The following SLC4A5 variants were observed in gnomAD, a reference collection of about 807,000 sequenced individuals.
SLC4A5 encodes the protein electrogenic sodium bicarbonate cotransporter 4.
In SLC4A5, 96 loss-of-function variants were observed where a neutral mutation model predicts 120.4. The observed-to-expected ratio is 0.80, with a 90% CI of 0.68 to 0.94. The LOEUF (loss-of-function observed/expected upper bound fraction) is 0.94, where lower values mean the gene tolerates loss of function less well. Among genes scored for constraint, SLC4A5 ranks in the 40% least tolerant of loss-of-function variants. SLC4A5 has a pLI of 0.00. For missense variants in SLC4A5, 1,259 were observed against 1,459.5 expected, an observed-to-expected ratio of 0.86 and a Z score of 2.24; for synonymous variants, 550 against 571.1, an observed-to-expected ratio of 0.96 and a Z score of 0.53.
chr2:74,235,303 AACT>A, intron 21 of SLC4A5, 89 bp from the exon 22 acceptor site: 2 of 909,022 alleles, frequency 2.2e-6, no homozygotes, highest in Non-Finnish European at 3.5e-6. Flanking sequence ...CAAAGAGGTG[AACT>A]ATTACAGTCT....
At chr2:74,254,685 T>C (rs752389955) in exon 14 of SLC4A5, 2 of 1,613,534 alleles carry the variant, frequency 1.2e-6, no homozygotes, top group African/African-American at 2.7e-5. Flanking sequence ...TCCCAGAAGG[T>C]CCCAGTAGTA....
intron 5 of SLC4A5, among the ~76,000 whole-genome samples, chr2:74,320,299 C>A (rs1417603057): frequency 6.6e-6 from 1 of 152,104 alleles, no homozygotes; most frequent in Non-Finnish European, 1.5e-5. Flanking sequence ...ATTGAAAGAA[C>A]TTTCGATCAG....
intron 8 of SLC4A5, among the ~76,000 whole-genome samples, chr2:74,284,676 T>C (rs897485198): frequency 4.6e-5 from 7 of 152,238 alleles, no homozygotes; most frequent in South Asian, 2.1e-4. Flanking sequence ...CTTGGGAGCA[T>C]TGGGCACTGC....
chr2:74,226,299 GAC>G (rs768620941), intron 27 of SLC4A5, among the ~76,000 whole-genome samples: 2 of 152,048 alleles, frequency 1.3e-5, no homozygotes, highest in East Asian at 1.9e-4. Flanking sequence ...GGCATTTGCT[GAC>G]ACACTCCAGG....
chr2:74,280,209 G>C (rs573115710), intron 8 of SLC4A5, among the ~76,000 whole-genome samples: 33 of 152,154 alleles, frequency 2.2e-4, no homozygotes, highest in African/African-American at 7.7e-4. Flanking sequence ...GTGTCTGTTT[G>C]CCCTATTCCA....
At chr2:74,307,896 C>A (rs1303919534) in intron 6 of SLC4A5, 2 of 487,266 alleles carry the variant, frequency 4.1e-6, no homozygotes, top group African/African-American at 4.0e-5. Flanking sequence ...GCCCCCGGCA[C>A]CTGCATAGAC....
chr2:74,271,605 T>G (rs1255393233), intron 8 of SLC4A5, among the ~76,000 whole-genome samples: 1 of 152,074 alleles, frequency 6.6e-6, no homozygotes. Context: ...CAAATATACA[T>G]TAAGCTTTTT....
At chr2:74,319,412 T>C (rs1440758350) in intron 5 of SLC4A5, 2 of 152,218 alleles carry the variant, frequency 1.3e-5, no homozygotes, top group African/African-American at 4.8e-5. Context: ...CTCGCTTTAG[T>C]AGCACATATA....
chr2:74,296,836 G>C lies in SLC4A5; in HGVS notation c.271+7653C>G, dbSNP rs1479729787. Among the ~76,000 whole-genome samples, 3 of 149,562 alleles carry C rather than the reference G, an allele frequency of 2.0e-5. No homozygotes were observed. The East Asian group carries it at 6.0e-4, about 30-fold the overall frequency. ...GCCAGTTGTCTTTGCTCCCATGTTT[G>C]AAACGTGGCCTGCCTCAGGGACTCC... On this transcript the variant is annotated intron_variant, in intron 7 of 30. Coordinates refer to ENST00000394019, the Ensembl canonical transcript of SLC4A5.
At chr2:74,289,202 G>C (rs1044422172) in intron 7 of SLC4A5, among the ~76,000 whole-genome samples, 17 of 152,102 alleles carry the variant, frequency 1.1e-4, no homozygotes, top group Non-Finnish European at 2.9e-5. Context: ...TCTTTGAATA[G>C]CACCATAAAA....
At chr2:74,272,642 G>A (rs774647288) in intron 8 of SLC4A5, among the ~76,000 whole-genome samples, 3 of 152,212 alleles carry the variant, frequency 2.0e-5, no homozygotes, top group African/African-American at 4.8e-5. Context: ...CAGGTGCCCC[G>A]CTCCTGACTG....
intron 17 of SLC4A5, among the ~76,000 whole-genome samples, chr2:74,249,804 T>C (rs1283650930): frequency 1.3e-5 from 2 of 152,180 alleles, no homozygotes; most frequent in African/African-American, 2.4e-5. Flanking sequence ...GGTCTTCTCC[T>C]TGGGGTACTG....
At chr2:74,281,858 G>A (rs185471662) in intron 8 of SLC4A5, among the ~76,000 whole-genome samples, 8 of 152,266 alleles carry the variant, frequency 5.3e-5, no homozygotes, top group Admixed American at 3.9e-4. Context: ...TCCCCTCCCC[G>A]ATTCTCTTTG....
chr2:74,220,007 A>G (rs1189098145), intron 30 of SLC4A5, among the ~76,000 whole-genome samples: 1 of 152,140 alleles, frequency 6.6e-6, no homozygotes, highest in Non-Finnish European at 1.5e-5. Context: ...GTTTCCCCAA[A>G]AATCTCTTGG....
At chr2:74,267,683 G>C (rs1053973941) in intron 8 of SLC4A5, among the ~76,000 whole-genome samples, 2 of 152,218 alleles carry the variant, frequency 1.3e-5, no homozygotes, top group African/African-American at 4.8e-5. Flanking sequence ...TTATTGGGGC[G>C]AATTAGTGTA....
At chr2:74,273,216 A>G (rs1430889842) in intron 8 of SLC4A5, among the ~76,000 whole-genome samples, 1 of 152,236 alleles carries the variant, frequency 6.6e-6, no homozygotes, top group African/African-American at 2.4e-5. Context: ...GAATATACAT[A>G]AACATTGTGA....
rs573489234 is a variant in SLC4A5, at chr2:74,255,583, G to A, written c.1025+192C>T. The stretch of plus-strand genomic sequence containing the variant: ...GCTGGGATTACAGGCGTGAGCCACC[G>A]CACCTGGCCTCTTTTGTTATTATTT... On this transcript the variant is annotated intron_variant, in intron 13 of 30. Coordinates refer to ENST00000394019, the Ensembl canonical transcript of SLC4A5. The surrounding 1 kb of genome is among the most constrained non-coding windows in gnomAD (Gnocchi z 4.0). Among the ~76,000 whole-genome samples, 7 of 152,164 alleles carry A rather than the reference G, an allele frequency of 4.6e-5. No homozygotes were observed. The highest frequency in any genetic ancestry group is 3.9e-4 in the East Asian group (2 of 5,190).
chr2:74,270,926 C>T (rs1394355349), intron 8 of SLC4A5, among the ~76,000 whole-genome samples: 1 of 152,170 alleles, frequency 6.6e-6, no homozygotes, highest in Non-Finnish European at 1.5e-5. Flanking sequence ...AGAATGGCTC[C>T]AAGAACACTA....
intron 19 of SLC4A5, among the ~76,000 whole-genome samples, chr2:74,245,397 A>G (rs1670578823): frequency 6.6e-6 from 1 of 152,214 alleles, no homozygotes; most frequent in Non-Finnish European, 1.5e-5. Context: ...TCTAGAAGCT[A>G]TGTTTGTGTA....
Sources: gnomAD v4.1 joint callset for allele counts (sites outside exome capture counted in the v4.1 genomes callset) on GRCh38, gnomAD v4.1.1 for gene constraint, Gnocchi (gnomAD v3.1) non-coding constraint, MANE v1.5 for transcripts, NCBI Gene and HGNC (gene_info 2026-07-23, HGNC 2026-07-21) for gene names.